The following TAMM41 variants were observed in gnomAD, a reference collection of about 807,000 sequenced individuals.
TAMM41 encodes TAM41 mitochondrial translocator assembly and maintenance homolog.
Under a neutral mutation model 44.1 loss-of-function variants are expected in TAMM41, and 36 were observed. The observed-to-expected ratio is 0.82, with a 90% CI of 0.63 to 1.08. The LOEUF (loss-of-function observed/expected upper bound fraction) is 1.08, where lower values mean the gene tolerates loss of function less well. Ranked by LOEUF, TAMM41 falls within the 50% of genes least tolerant of loss-of-function variation. The probability of loss-of-function intolerance (pLI) is 0.00; values close to 1 mark genes in which losing one functional copy is unlikely to be tolerated. For synonymous variants in TAMM41, 164 were observed against 153.1 expected (o/e 1.07, Z -0.53); for missense variants, 417 against 404.3 (o/e 1.03, Z -0.27).
chr3:11,840,157 G>A lies in TAMM41; in HGVS notation c.319-843C>T, dbSNP rs750842603. ...CTATCCTTCAAAAACCCTAACTGCC[G>A]AGCTTTCAGGGAGAGTGATTTGAGT... On this transcript the variant is annotated intron_variant, in intron 2 of 7. Transcript: ENST00000455809. Among the ~76,000 whole-genome samples the A allele has an allele frequency of 2.4e-4, 37 of 152,042 alleles. 1 individual carries two copies. Among genetic ancestry groups the A allele is most frequent in the South Asian group, 6.2e-4 (3 of 4,804 alleles).
chr3:11,790,106 A>C (rs9883292), downstream of TAMM41, among the ~76,000 whole-genome samples: 6,276 of 152,280 alleles, frequency 0.041, 448 homozygotes, highest in African/African-American at 0.14. Flanking sequence ...TGGAAAAAAA[A>C]CAAGTGAACA....
chr3:11,774,406 TA>T, the TAMM41 span, among the ~76,000 whole-genome samples: 1 of 152,128 alleles, frequency 6.6e-6, no homozygotes, highest in South Asian at 2.1e-4. Flanking sequence ...AGCCTGCCAA[TA>T]AGAGCAGTGA....
At chr3:11,724,561 G>T in the TAMM41 span, among the ~76,000 whole-genome samples, 2 of 151,932 alleles carry the variant, frequency 1.3e-5, no homozygotes, top group African/African-American at 4.8e-5. Flanking sequence ...GGTAGCAGGC[G>T]CCTGCCACCA....
At chr3:11,841,886 C>T (rs781107160) in intron 2 of TAMM41, among the ~76,000 whole-genome samples, 10 of 152,212 alleles carry the variant, frequency 6.6e-5, no homozygotes, top group Non-Finnish European at 8.8e-5. Flanking sequence ...CTCTGAACTT[C>T]AGTTTCCTCA....
chr3:11,782,566 A>G, the TAMM41 span, among the ~76,000 whole-genome samples: 1 of 152,046 alleles, frequency 6.6e-6, no homozygotes, highest in Non-Finnish European at 1.5e-5. Flanking sequence ...AAAAAAGAAA[A>G]AAAAAGTGGG....
At chr3:11,833,102 G>A in intron 3 of TAMM41, 2 of 1,283,340 alleles carry the variant, frequency 1.6e-6, no homozygotes, top group Non-Finnish European at 1.0e-6. Flanking sequence ...ACTGTTATTT[G>A]TTGTTCAGAG....
At chr3:11,731,446 G>A in the TAMM41 span, among the ~76,000 whole-genome samples, 1 of 152,044 alleles carries the variant, frequency 6.6e-6, no homozygotes, top group African/African-American at 2.4e-5. Context: ...AGTGAGCCGT[G>A]ATGGTGCCCC....
At chr3:11,783,609 G>T in the TAMM41 span, among the ~76,000 whole-genome samples, 5 of 152,178 alleles carry the variant, frequency 3.3e-5, no homozygotes, top group Non-Finnish European at 5.9e-5. Flanking sequence ...TAGTCAACTG[G>T]TTATTTTTAT....
At chr3:11,746,313 A>T in the TAMM41 span, among the ~76,000 whole-genome samples, 1 of 151,884 alleles carries the variant, frequency 6.6e-6, no homozygotes, top group Non-Finnish European at 1.5e-5. Context: ...AAAAAAAAAA[A>T]AAAAAAAATT....
intron 4 of TAMM41, among the ~76,000 whole-genome samples, chr3:11,828,342 A>C (rs2078842091): frequency 6.6e-6 from 1 of 152,232 alleles, no homozygotes; most frequent in Non-Finnish European, 1.5e-5. Flanking sequence ...CAGCTATGTC[A>C]TTTGGTAAAT....
chr3:11,837,056 T>G (rs1375220795), intron 3 of TAMM41, among the ~76,000 whole-genome samples: 1 of 152,188 alleles, frequency 6.6e-6, no homozygotes, highest in Non-Finnish European at 1.5e-5. Flanking sequence ...CCGGATCGAG[T>G]ATTTCTGGAC....
the TAMM41 span, among the ~76,000 whole-genome samples, chr3:11,728,520 T>G: frequency 1.3e-5 from 2 of 152,210 alleles, no homozygotes; most frequent in Admixed American, 1.3e-4. Flanking sequence ...CAATAAAAAT[T>G]AATCCTCTTC....
At chr3:11,846,125 A>ATCTC (rs1397648659) in intron 1 of TAMM41, among the ~76,000 whole-genome samples, 1 of 152,208 alleles carries the variant, frequency 6.6e-6, no homozygotes, top group Non-Finnish European at 1.5e-5. Context: ...TTAAATCAGA[A>ATCTC]TCTCCATCGG....
At chr3:11,792,264 A>C in intron 7 of TAMM41, among the ~76,000 whole-genome samples, 1 of 152,172 alleles carries the variant, frequency 6.6e-6, no homozygotes, top group East Asian at 1.9e-4. Context: ...CATTTTCAGA[A>C]AGACTGCAGC....
At chr3:11,786,794 A>T (rs914099643), downstream of TAMM41, among the ~76,000 whole-genome samples, 1 of 150,392 alleles carries the variant, frequency 6.6e-6, no homozygotes, top group Non-Finnish European at 1.5e-5. Context: ...AAGTCTCACT[A>T]TGTTGCCTGG....
rs553071112 is a variant in TAMM41, at chr3:11,821,682, G to A, written c.563-4345C>T. ...ATGTATATAGCATAGTCGAAGGATG[G>A]AGGGTAGAGGAAGCGCTGGGTCTTG... On this transcript the variant is annotated intron_variant, in intron 4 of 7. Transcript: ENST00000455809. 3.9e-5 allele frequency among the ~76,000 whole-genome samples: 6 copies of A among 152,318 alleles called. No homozygotes were observed. The East Asian group carries it at 1.2e-3, about 29-fold the overall frequency.
intron 3 of TAMM41, 47 bp from the exon 4 acceptor site, chr3:11,829,911 T>A: frequency 6.3e-7 from 1 of 1,584,644 alleles, no homozygotes; most frequent in Non-Finnish European, 8.6e-7. Context: ...AAGTGGAGTA[T>A]TGCTCAAGCA....
intron 3 of TAMM41, chr3:11,833,165 A>T: frequency 7.8e-7 from 1 of 1,284,894 alleles, no homozygotes; most frequent in South Asian, 1.3e-5. Context: ...GGAAAAAAAG[A>T]AAGTGCTCAG....
chr3:11,845,518 G>A (rs527820102), intron 1 of TAMM41, among the ~76,000 whole-genome samples: 1 of 152,246 alleles, frequency 6.6e-6, no homozygotes, highest in African/African-American at 2.4e-5. Flanking sequence ...TTGGTGGCGA[G>A]GCAGGTATGG....
Sources: gnomAD v4.1 joint callset for allele counts (sites outside exome capture counted in the v4.1 genomes callset) on GRCh38, gnomAD v4.1.1 for gene constraint, MANE v1.5 for transcripts, NCBI Gene and HGNC (gene_info 2026-07-23, HGNC 2026-07-21) for gene names.